Variants in RFXANK observed in about 807,000 individuals in gnomAD.
RFXANK encodes the protein DNA-binding protein RFXANK.
A neutral mutation model predicts 34.5 loss-of-function variants in RFXANK; 19 were observed. The observed-to-expected ratio is 0.55, with a 90% CI of 0.38 to 0.81. The LOEUF is 0.81. RFXANK is among the 30% of genes least tolerant of loss of function. The pLI, the probability that RFXANK is intolerant of heterozygous loss-of-function variation, is 0.00. For synonymous variants in RFXANK, 154 were observed against 149.8 expected (o/e 1.03, Z -0.20); for missense variants, 295 against 343.5 (o/e 0.86, Z 1.12).
rs757742036 is a variant in RFXANK, at chr19:19,199,213, G to A, written c.691G>A (p.Val231Met). The A allele has an allele frequency of 1.9e-5, 30 of 1,613,980 alleles. No homozygotes were observed. In the East Asian group the frequency reaches 2.7e-4, roughly 14 times the overall value. ...TGGCTACACCCCGATGGACCTTGCCGTGGCCCTGGGATACCGGAAAGGTCA... is the reference window on the plus strand; with the variant it reads ...TGGCTACACCCCGATGGACCTTGCCATGGCCCTGGGATACCGGAAAGGTCA... ...DSGYTPMDLAVALGYRKVQQV... is the reference protein window; with the variant it reads ...DSGYTPMDLAMALGYRKVQQV... The change falls in exon 9 of 10, where the codon GTG becomes ATG. Residue 231 changes from valine to methionine, a missense_variant. Transcript: ENST00000303088.
chr19:19,198,371 G>C, intron 7 of RFXANK, 139 bp downstream of exon 7: 1 of 1,355,742 alleles, frequency 7.4e-7, no homozygotes, highest in Non-Finnish European at 1.0e-6. Context: ...GCCTCACAGA[G>C]CAGAGCTCCC....
chr19:19,192,338 C>A lies in RFXANK; in HGVS notation c.-366C>A, dbSNP rs116660619. 9.3e-3 allele frequency: 5,588 copies of A among 602,098 alleles called. 247 individuals carry two copies. The African/African-American group carries it at 0.093, about 10-fold the overall frequency. The allele number at this position is 602,098 out of a possible 1,614,324, so 37.3% of individuals were successfully genotyped here. ...GTGGCGCAGTGAGGAGGGGGCGCGA[C>A]GGCCAGGAGGCTGGTGGAGCGACAC... is the stretch of plus-strand genomic sequence containing the variant. On this transcript the variant is annotated 5_prime_UTR_variant, in exon 1 of 10. Transcript: ENST00000303088.
rs940652933 is a variant in RFXANK at position 19,192,534 on chromosome 19, T to G, written c.-170T>G. 3 of 193,258 alleles carry G rather than the reference T, an allele frequency of 1.6e-5. No homozygotes were observed. Among genetic ancestry groups the G allele is most frequent in the Admixed American group, 5.9e-5 (1 of 16,982 alleles). 12.0% of individuals were successfully genotyped at this position (193,258 alleles called of 1,614,324 possible). A position where few individuals can be genotyped will look rare whatever the true frequency, so the allele number is the denominator to read the frequency against. On this transcript the variant is annotated 5_prime_UTR_variant, in exon 1 of 10. Coordinates refer to ENST00000303088, the MANE Select transcript of RFXANK (RefSeq NM_003721.4). ...CTTTGAGACCGCAGAAGGGACCTTG[T>G]TGTGGAACGGGACGGCCAAGGTACG...
chr19:19,199,330 C>T (rs1043418089), intron 9 of RFXANK, 96 bp downstream of exon 9: 28 of 1,188,134 alleles, frequency 2.4e-5, no homozygotes, highest in Middle Eastern at 1.9e-4. Context: ...GGTCATACGC[C>T]GGCAGCGAGA....
rs143964319 is a variant in RFXANK at position 19,199,228 on chromosome 19, C to G, written c.706C>G (p.Arg236Gly). Residue 236 changes from arginine (R) to glycine (G), a missense_variant, in exon 9 of 10, where the codon CGG (arginine) becomes GGG (glycine). Coordinates refer to ENST00000303088, the MANE Select transcript of RFXANK (RefSeq NM_003721.4). ...GGACCTTGCCGTGGCCCTGGGATAC[C>G]GGAAAGGTCAGCCTGAGACACACAG... ...PMDLAVALGY[R>G]KVQQVIENHI... 1.2e-6 allele frequency: 2 copies of G among 1,614,114 alleles called. No homozygotes were observed. The highest frequency in any genetic ancestry group is 2.2e-5 in the South Asian group (2 of 91,086).
chr19:19,198,363 C>A, intron 7 of RFXANK, 131 bp downstream of exon 7: 4 of 1,400,268 alleles, frequency 2.9e-6, no homozygotes, highest in Non-Finnish European at 3.9e-6. Flanking sequence ...CATTCCCAGC[C>A]TCACAGAGCA....
chr19:19,198,616 A>G (rs1209456513), intron 7 of RFXANK, 41 bp from the exon 8 acceptor site: 2 of 1,606,168 alleles, frequency 1.2e-6, no homozygotes, highest in Non-Finnish European at 1.7e-6. Context: ...AGAATGAGGA[A>G]GAGGTAAACC....
In RFXANK at chr19:19,193,824, C is replaced by T. The variant is rs1568574908; in HGVS notation, c.-8-115C>T. ...TCATTTCCCTGGCTCTGGTAATTAA[C>T]CTGGACCTCAGTTTACCCACCCTCA... On this transcript the variant is annotated intron_variant, in intron 2 of 9. Transcript: ENST00000303088. The T allele has an allele frequency of 6.8e-6, 8 of 1,177,252 alleles. No individual in the cohort carries two copies. In the East Asian group the frequency reaches 9.3e-5, roughly 14 times the overall value. 72.9% of individuals were successfully genotyped at this position (1,177,252 alleles called of 1,614,324 possible).
chr19:19,195,434 C>CTCCCAAGTAGCAGCCA (rs1474372088), intron 3 of RFXANK, among the ~76,000 whole-genome samples: 1 of 152,028 alleles, frequency 6.6e-6, no homozygotes, highest in Non-Finnish European at 1.5e-5. Flanking sequence ...CTGCCTCAGC[C>CTCCCAAGTAGCAGCCA]TCCCAAGTAG....
intron 9 of RFXANK, among the ~76,000 whole-genome samples, chr19:19,201,146 G>A (rs2060707437): frequency 6.6e-6 from 1 of 152,154 alleles, no homozygotes; most frequent in African/African-American, 2.4e-5. Flanking sequence ...GTTTCATCAT[G>A]TTGGTCAGGC....
chr19:19,199,177 G>A lies in RFXANK; in HGVS notation c.655G>A (p.Glu219Lys), dbSNP rs1481038979. The change falls in exon 9 of 10, where the codon GAA (glutamate) becomes AAA (lysine). Residue 219 changes from glutamate to lysine, a missense_variant. Glu to Lys is a moderately conservative substitution (Grantham distance 56). Coordinates refer to ENST00000303088, the MANE Select transcript of RFXANK (RefSeq NM_003721.4). ...LLARGADLTT[E>K]ADSGYTPMDL... is the part of the protein sequence containing the mutation. Reference sequence around the variant, plus strand: ...AGCCCGAGGCGCTGACCTCACCACCGAAGCCGACTCTGGCTACACCCCGAT... The same window carrying A: ...AGCCCGAGGCGCTGACCTCACCACCAAAGCCGACTCTGGCTACACCCCGAT... 6 of 1,613,934 alleles carry A rather than the reference G, an allele frequency of 3.7e-6. No homozygotes were observed. Among genetic ancestry groups the A allele is most frequent in the Admixed American group, 1.7e-5 (1 of 60,016 alleles).
chr19:19,199,352 GGTGTTGA>G, intron 9 of RFXANK, 118 bp downstream of exon 9: 1 of 1,002,956 alleles, frequency 1.0e-6, no homozygotes, highest in Non-Finnish European at 1.6e-6. Context: ...TGTGTTGACA[GGTGTTGA>G]GCACTGCTGT....
Position 19,196,561 on chromosome 19 carries a change from C to CA in RFXANK, c.188-388dup, listed in dbSNP as rs34326473. Among the ~76,000 whole-genome samples the CA allele has an allele frequency of 9.1e-3, 1,051 of 116,058 alleles. 4 individuals are homozygous for CA. Among genetic ancestry groups the CA allele is most frequent in the Middle Eastern group, 0.013 (2 of 158 alleles). The allele number at this position is 116,058 out of a possible 152,430, so 76.1% of individuals were successfully genotyped here. A position where few individuals can be genotyped will look rare whatever the true frequency, so the allele number is the denominator to read the frequency against. On this transcript the variant is annotated intron_variant, in intron 3 of 9. Coordinates refer to ENST00000303088, the MANE Select transcript of RFXANK (RefSeq NM_003721.4). ...TGGACAACAGAGCAAGACTCTGTCTCAAAAAAAAAAAAAACCCCAATAGCT... is the reference window on the plus strand; with the variant it reads ...TGGACAACAGAGCAAGACTCTGTCTCAAAAAAAAAAAAAAACCCCAATAGCT...
At position 19,201,810 on chromosome 19, in the gene RFXANK, G is replaced by C. The variant is rs1377560003; in HGVS notation, c.*91G>C. The C allele has an allele frequency of 6.2e-6, 10 of 1,612,386 alleles. No individual in the cohort carries two copies. Among genetic ancestry groups the C allele is most frequent in the African/African-American group, 2.7e-5 (2 of 74,896 alleles). ...GAACTGACTTCAAAGGCAGCTTCTG[G>C]ACAGGTGGTGGGAGGGGACCCTTCC... On this transcript the variant is annotated 3_prime_UTR_variant, in exon 10 of 10. Transcript: ENST00000303088.
intron 8 of RFXANK, 194 bp downstream of exon 8, chr19:19,198,917 G>C: frequency 1.3e-6 from 1 of 761,466 alleles, no homozygotes; most frequent in South Asian, 1.5e-5. Flanking sequence ...CTGGGTTTAG[G>C]ATCTGGCCAA....
chr19:19,195,933 A>G (rs2060592284), intron 3 of RFXANK, among the ~76,000 whole-genome samples: 1 of 150,780 alleles, frequency 6.6e-6, no homozygotes, highest in Non-Finnish European at 1.5e-5. Flanking sequence ...GTAGAGGTGG[A>G]ATTTCACCAT....
intron 7 of RFXANK, 133 bp from the exon 8 acceptor site, chr19:19,198,524 A>AG: frequency 8.8e-7 from 1 of 1,137,654 alleles, no homozygotes; most frequent in Non-Finnish European, 1.3e-6. Flanking sequence ...TCTAAGCTTG[A>AG]GACCCCAGAA....
intron 9 of RFXANK, chr19:19,201,441 T>C (rs1466978804): frequency 6.6e-7 from 1 of 1,511,904 alleles, no homozygotes; most frequent in Non-Finnish European, 8.9e-7. Flanking sequence ...TTATATTAAT[T>C]CTGAAAAGCT....
Position 19,194,651 on chromosome 19 carries a change from T to C in RFXANK, c.187+518T>C, listed in dbSNP as rs575339953. ...GGCTGAAGCCATCACTCAGCCTCCC[T>C]AGGAGCTGGGACTATAGGCATGCAA... On this transcript the variant is annotated intron_variant, in intron 3 of 9. Coordinates refer to ENST00000303088, the MANE Select transcript of RFXANK (RefSeq NM_003721.4). Among the ~76,000 whole-genome samples, 6 of 151,528 alleles carry C rather than the reference T, an allele frequency of 4.0e-5. No individual in the cohort carries two copies. In the South Asian group the frequency reaches 1.3e-3, roughly 32 times the overall value.
Sources: gnomAD v4.1 joint callset for allele counts (sites outside exome capture counted in the v4.1 genomes callset) on GRCh38, gnomAD v4.1.1 for gene constraint, MANE v1.5 for transcripts, NCBI Gene and HGNC (gene_info 2026-07-23, HGNC 2026-07-21) for gene names.